The following PCSK2 variants were observed in gnomAD, a reference collection of about 807,000 sequenced individuals.
The protein encoded by PCSK2 is proprotein convertase subtilisin/kexin type 2, also known as neuroendocrine convertase 2.
Under a neutral mutation model 69.7 loss-of-function variants are expected in PCSK2, and 14 were observed. The observed-to-expected ratio is 0.20, with a 90% confidence interval of 0.13 to 0.31. The LOEUF is 0.31. PCSK2 is among the 10% of genes least tolerant of loss of function. The pLI is 1.00. For synonymous variants in PCSK2, 307 were observed against 320.7 expected, an observed-to-expected ratio of 0.96 and a Z score of 0.46; for missense variants, 544 against 842.5, an observed-to-expected ratio of 0.65 and a Z score of 4.39.
intron 2 of PCSK2, among the ~76,000 whole-genome samples, chr20:17,288,896 A>T (rs556436593): frequency 6.6e-6 from 1 of 152,348 alleles, no homozygotes; most frequent in Non-Finnish European, 1.5e-5. Flanking sequence ...CTTCAATCTA[A>T]ATCAACTTGC....
intron 1 of PCSK2, among the ~76,000 whole-genome samples, chr20:17,245,591 C>T (rs1986740386): frequency 6.6e-6 from 1 of 152,116 alleles, no homozygotes; most frequent in Non-Finnish European, 1.5e-5. Flanking sequence ...TGACTACAGA[C>T]CAAAGTAACA....
At chr20:17,299,491 A>G (rs1330071082) in intron 2 of PCSK2, among the ~76,000 whole-genome samples, 1 of 151,670 alleles carries the variant, frequency 6.6e-6, no homozygotes, top group Non-Finnish European at 1.5e-5. Flanking sequence ...TTCCTTGCCC[A>G]TTTATTCTTT....
chr20:17,411,199 A>C (rs926486220), intron 6 of PCSK2, among the ~76,000 whole-genome samples: 2 of 152,304 alleles, frequency 1.3e-5, no homozygotes, highest in Admixed American at 1.3e-4. Flanking sequence ...TGCATTTCCA[A>C]CTGAGGTATC....
chr20:17,295,431 T>C (rs1424817450), intron 2 of PCSK2, among the ~76,000 whole-genome samples: 3 of 151,884 alleles, frequency 2.0e-5, no homozygotes, highest in Non-Finnish European at 4.4e-5. Flanking sequence ...TATTTCAAGT[T>C]GCTACTTCTA....
At chr20:17,357,542 T>C (rs1415745175) in intron 2 of PCSK2, among the ~76,000 whole-genome samples, 1 of 152,240 alleles carries the variant, frequency 6.6e-6, no homozygotes, top group South Asian at 2.1e-4. Context: ...CTCTCCTTAA[T>C]AGAAATGTTC....
At chr20:17,261,273 G>A (rs1024986992) in intron 2 of PCSK2, among the ~76,000 whole-genome samples, 4 of 152,212 alleles carry the variant, frequency 2.6e-5, no homozygotes, top group African/African-American at 9.6e-5. Context: ...ACCAGCTGAT[G>A]AAAAGCGTGT....
chr20:17,398,415 T>A (rs2031561371), intron 5 of PCSK2, among the ~76,000 whole-genome samples: 1 of 151,134 alleles, frequency 6.6e-6, no homozygotes. Flanking sequence ...TTTCAGCTAC[T>A]CTGGAGACTG....
chr20:17,456,309 G>A lies in PCSK2; in HGVS notation c.1102-39G>A, dbSNP rs370112444. The A allele has an allele frequency of 1.8e-4, 196 of 1,104,868 alleles. 1 individual carries two copies. The highest frequency in any genetic ancestry group is 2.5e-4 in the Non-Finnish European group (181 of 718,906). The allele number at this position is 1,104,868 out of a possible 1,614,324, so 68.4% of individuals were successfully genotyped here. A position where few individuals can be genotyped will look rare whatever the true frequency, so the allele number is the denominator to read the frequency against. On this transcript the variant is annotated intron_variant, in intron 9 of 11. Coordinates refer to ENST00000262545, the MANE Select transcript of PCSK2 (RefSeq NM_002594.5). ...ACATTGTGCGGGGGTTCAAAATAGC[G>A]TGATTTATCCACTCATTACTCATTA... is the stretch of plus-strand genomic sequence containing the variant.
intron 11 of PCSK2, among the ~76,000 whole-genome samples, chr20:17,469,731 C>G (rs527827338): frequency 1.3e-4 from 20 of 152,252 alleles, no homozygotes; most frequent in Admixed American, 3.9e-4. Flanking sequence ...AGTGCCATTA[C>G]TGATGACAGG....
intron 2 of PCSK2, among the ~76,000 whole-genome samples, chr20:17,357,636 T>G (rs984076112): frequency 8.5e-5 from 13 of 152,346 alleles, no homozygotes; most frequent in African/African-American, 2.9e-4. Context: ...GGCTCATGCC[T>G]GTAATCCCAG....
chr20:17,331,424 C>A (rs1225700483), intron 2 of PCSK2, among the ~76,000 whole-genome samples: 1 of 152,192 alleles, frequency 6.6e-6, no homozygotes, highest in Non-Finnish European at 1.5e-5. Flanking sequence ...GGCCTTCTGT[C>A]TACAAACTCA....
At chr20:17,287,832 T>C (rs1353555980) in intron 2 of PCSK2, among the ~76,000 whole-genome samples, 1 of 152,206 alleles carries the variant, frequency 6.6e-6, no homozygotes, top group African/African-American at 2.4e-5. Flanking sequence ...CTTTGTGTCA[T>C]ACCTGGCCAT....
At chr20:17,238,907 G>C (rs1302369697) in intron 1 of PCSK2, among the ~76,000 whole-genome samples, 3 of 152,092 alleles carry the variant, frequency 2.0e-5, no homozygotes, top group Non-Finnish European at 2.9e-5. Flanking sequence ...TATATATTTA[G>C]TAAGCACTCA....
intron 5 of PCSK2, among the ~76,000 whole-genome samples, chr20:17,389,397 T>C (rs547029807): frequency 6.6e-5 from 10 of 152,104 alleles, no homozygotes; most frequent in African/African-American, 2.4e-4. Context: ...TGATATAGAG[T>C]ATATGTCCAC....
chr20:17,303,718 A>C (rs1425143833), intron 2 of PCSK2, among the ~76,000 whole-genome samples: 3 of 146,854 alleles, frequency 2.0e-5, no homozygotes, highest in African/African-American at 7.5e-5. Context: ...CTGGGACTAC[A>C]GGCACGTGCC....
At chr20:17,250,995 G>C (rs1393252751) in intron 1 of PCSK2, among the ~76,000 whole-genome samples, 1 of 152,122 alleles carries the variant, frequency 6.6e-6, no homozygotes, top group Non-Finnish European at 1.5e-5. Context: ...AGCTACTCGG[G>C]CGGCTGAGGC....
intron 2 of PCSK2, among the ~76,000 whole-genome samples, chr20:17,265,380 C>G (rs1450863376): frequency 6.6e-6 from 1 of 152,012 alleles, no homozygotes; most frequent in African/African-American, 2.4e-5. Flanking sequence ...CTTGTTAACT[C>G]TAAGAGGATA....
intron 11 of PCSK2, among the ~76,000 whole-genome samples, chr20:17,474,626 G>A (rs868862344): frequency 2.6e-5 from 4 of 152,080 alleles, no homozygotes; most frequent in Non-Finnish European, 4.4e-5. Flanking sequence ...CCCCATGAGC[G>A]TGGGGCTCCT....
At chr20:17,347,359 T>G (rs1484088873) in intron 2 of PCSK2, among the ~76,000 whole-genome samples, 8 of 152,156 alleles carry the variant, frequency 5.3e-5, no homozygotes, top group Admixed American at 4.6e-4. Flanking sequence ...AGATCCCTGT[T>G]TGGATCTCGA....
Sources: gnomAD v4.1 joint callset for allele counts (sites outside exome capture counted in the v4.1 genomes callset) on GRCh38, gnomAD v4.1.1 for gene constraint, MANE v1.5 for transcripts, NCBI Gene and HGNC (gene_info 2026-07-23, HGNC 2026-07-21) for gene names.